Variants in GRTP1 observed in about 807,000 individuals in gnomAD.
The protein encoded by GRTP1 is growth hormone regulated TBC protein 1.
Under a neutral mutation model 38.1 loss-of-function variants are expected in GRTP1, and 56 were observed. The ratio of observed to expected loss-of-function variants is 1.47; its 90% confidence interval spans 1.19 to 1.84. GRTP1 has a LOEUF of 1.84. Ranked by LOEUF, GRTP1 falls within the 40% of genes most tolerant of loss-of-function variation. The probability of loss-of-function intolerance (pLI) is 0.00; values close to 1 mark genes in which losing one functional copy is unlikely to be tolerated. For missense variants in GRTP1, 506 were observed against 453.9 expected (o/e 1.11, Z -1.04); for synonymous variants, 217 against 189.5 (o/e 1.14, Z -1.19).
At chr13:113,357,430 T>G (rs2043414439) in intron 2 of GRTP1, among the ~76,000 whole-genome samples, 1 of 93,794 alleles carries the variant, frequency 1.1e-5, no homozygotes, top group African/African-American at 4.4e-5. Flanking sequence ...GGCGACAGAG[T>G]GACACTGCCT....
intron 2 of GRTP1, among the ~76,000 whole-genome samples, chr13:113,356,808 G>A (rs925475261): frequency 6.6e-6 from 1 of 152,132 alleles, no homozygotes; most frequent in Non-Finnish European, 1.5e-5. Flanking sequence ...ATCTGGACAC[G>A]AGCAGATGAT....
chr13:113,324,551 T>C lies in GRTP1; in HGVS notation c.948A>G (p.Leu316=). 6.2e-7 allele frequency: 1 copy of C among 1,611,412 alleles called. No homozygotes were observed. The highest frequency in any genetic ancestry group is 8.5e-7 in the Non-Finnish European group (1 of 1,178,982). Residue 316 remains leucine (L), a synonymous_variant, in exon 8 of 8, where the codon TTA becomes TTG. Coordinates refer to ENST00000375431, the MANE Select transcript of GRTP1 (RefSeq NM_024719.4). The stretch of plus-strand genomic sequence containing the variant: ...GGAGCTTGGCGACGGTGGCCATGGA[T>C]AAGCTTCCAGGTTCTGAAAATATTT... ...MQKIFSEPGS[L]SMATVAKLRE...
intron 5 of GRTP1, among the ~76,000 whole-genome samples, chr13:113,335,713 T>TG (rs1410354458): frequency 6.6e-6 from 1 of 152,110 alleles, no homozygotes; most frequent in Non-Finnish European, 1.5e-5. Context: ...TGGGAACATG[T>TG]GATATCTGTC....
chr13:113,345,685 T>C (rs935080853), intron 4 of GRTP1, among the ~76,000 whole-genome samples: 8 of 152,250 alleles, frequency 5.3e-5, no homozygotes, highest in African/African-American at 9.6e-5. Flanking sequence ...GAGGGGCAGC[T>C]GCAGAGAGCG....
Position 113,346,222 on chromosome 13 carries a change from C to A in GRTP1, c.466-1263G>T, listed in dbSNP as rs1219029895. Among the ~76,000 whole-genome samples, 36 of 126,544 alleles carry A rather than the reference C, an allele frequency of 2.8e-4. 1 individual carries two copies. Among genetic ancestry groups the A allele is most frequent in the Admixed American group, 5.0e-4 (6 of 12,060 alleles). 83.0% of individuals were successfully genotyped at this position (126,544 alleles called of 152,430 possible). On this transcript the variant is annotated intron_variant, in intron 4 of 7. Coordinates refer to ENST00000375431, the MANE Select transcript of GRTP1 (RefSeq NM_024719.4). ...AGCAGACCCGGGAGGACCTCTGTGGCTGAGAACAGACCCGGGAGGACCTCT... is the reference window on the plus strand; with the variant it reads ...AGCAGACCCGGGAGGACCTCTGTGGATGAGAACAGACCCGGGAGGACCTCT...
intron 7 of GRTP1, 148 bp from the exon 8 acceptor site, chr13:113,324,725 G>A: frequency 4.9e-6 from 7 of 1,421,502 alleles, no homozygotes; most frequent in Non-Finnish European, 5.5e-6. Context: ...CCCACAGATT[G>A]TCACCATCTC....
chr13:113,350,414 C>T (rs2043239596), intron 4 of GRTP1, among the ~76,000 whole-genome samples: 1 of 147,750 alleles, frequency 6.8e-6, no homozygotes. Context: ...CACATGCACC[C>T]CATAGCACAC....
At chr13:113,352,232 TTATA>T (rs58692797) in intron 3 of GRTP1, among the ~76,000 whole-genome samples, 1 of 79,722 alleles carries the variant, frequency 1.3e-5, no homozygotes. Context: ...TTTTCTATAT[TTATA>T]TATATATTTA....
intron 3 of GRTP1, among the ~76,000 whole-genome samples, chr13:113,352,242 A>ATTTATATATT (rs2043281949): frequency 2.2e-5 from 2 of 91,272 alleles, no homozygotes; most frequent in Non-Finnish European, 4.2e-5. Context: ...TTATATATAT[A>ATTTATATATT]TTTATATATA....
intron 3 of GRTP1, among the ~76,000 whole-genome samples, chr13:113,354,816 C>T (rs1337915855): frequency 6.6e-6 from 1 of 152,210 alleles, no homozygotes; most frequent in Non-Finnish European, 1.5e-5. Context: ...CGTGAGCCAC[C>T]GCGCCCGGCC....
At chr13:113,362,505 C>T (rs1220875837) in intron 2 of GRTP1, among the ~76,000 whole-genome samples, 1 of 151,928 alleles carries the variant, frequency 6.6e-6, no homozygotes, top group Non-Finnish European at 1.5e-5. Flanking sequence ...GGAGTGGTGG[C>T]CACACCAGTG....
In GRTP1 at chr13:113,325,810, C is replaced by T; in HGVS notation, c.772G>A (p.Gly258Ser). The part of the protein sequence containing the change: ...LRIWDCLFNE[G>S]SKIIFRVALT... Reference sequence around the variant, plus strand: ...GCCACCCGGAAGATAATCTTCGAGCCTTCGTTAAACAAACAGTCCCAGATC... The same window carrying T: ...GCCACCCGGAAGATAATCTTCGAGCTTTCGTTAAACAAACAGTCCCAGATC... The change falls in exon 7 of 8, where the codon GGC (glycine) becomes AGC (serine). Residue 258 changes from glycine to serine, a missense_variant. Coordinates refer to ENST00000375431, the MANE Select transcript of GRTP1 (RefSeq NM_024719.4). The T allele has an allele frequency of 6.2e-7, 1 of 1,614,142 alleles. No homozygotes were observed. The highest frequency in any genetic ancestry group is 8.5e-7 in the Non-Finnish European group (1 of 1,180,002).
In GRTP1 at chr13:113,328,986, T is replaced by C. The variant is rs149740320; in HGVS notation, c.563-2895A>G. Among the ~76,000 whole-genome samples, 118 of 149,776 alleles carry C rather than the reference T, an allele frequency of 7.9e-4. 1 individual carries two copies. The highest frequency in any genetic ancestry group is 2.7e-3 in the African/African-American group (107 of 39,174). ...ACTAAATTCTCCTGGTTCCCTTCCCTGCCCAGAAGCCTGAAGGTAGCAGGC... is the reference window on the plus strand; with the variant it reads ...ACTAAATTCTCCTGGTTCCCTTCCCCGCCCAGAAGCCTGAAGGTAGCAGGC... On this transcript the variant is annotated intron_variant, in intron 5 of 7. Coordinates refer to ENST00000375431, the MANE Select transcript of GRTP1 (RefSeq NM_024719.4).
chr13:113,347,590 GAGA>G (rs772194996), intron 4 of GRTP1, among the ~76,000 whole-genome samples: 3,292 of 69,890 alleles, frequency 0.047, 14 homozygotes, highest in East Asian at 0.068. Flanking sequence ...CTCTGTGGCT[GAGA>G]ACAGACCCGG....
At chr13:113,330,944 TGG>T (rs2042860203) in intron 5 of GRTP1, among the ~76,000 whole-genome samples, 1 of 126,168 alleles carries the variant, frequency 7.9e-6, no homozygotes, top group Non-Finnish European at 1.6e-5. Flanking sequence ...GGTGTGTGCA[TGG>T]AAAACCAGGT....
At chr13:113,325,268 T>C in intron 7 of GRTP1, 12 of 1,257,300 alleles carry the variant, frequency 9.5e-6, no homozygotes, top group Non-Finnish European at 1.1e-5. Context: ...CCTGGCGTCT[T>C]GGCTTCCTCA....
chr13:113,324,191 C>A lies in GRTP1; in HGVS notation c.*297G>T. The A allele has an allele frequency of 2.8e-6, 1 of 356,090 alleles. No homozygotes were observed. 22.1% of individuals were successfully genotyped at this position (356,090 alleles called of 1,614,324 possible). A position where few individuals can be genotyped will look rare whatever the true frequency, so the allele number is the denominator to read the frequency against. On this transcript the variant is annotated 3_prime_UTR_variant, in exon 8 of 8. Transcript: ENST00000375431. ...ATTTCCAGTCAGCTGAGAAACTGAT[C>A]ACAAACACAGGTGTTGGCATACTTT...
intron 5 of GRTP1, among the ~76,000 whole-genome samples, chr13:113,329,834 A>C (rs538379702): frequency 6.6e-6 from 1 of 152,364 alleles, no homozygotes; most frequent in East Asian, 1.9e-4. Context: ...CCTCTTCTTC[A>C]GTATTAACAC....
intron 4 of GRTP1, 83 bp downstream of exon 4, chr13:113,350,766 G>A (rs1466344676): frequency 7.8e-7 from 1 of 1,280,216 alleles, no homozygotes; most frequent in African/African-American, 1.5e-5. Context: ...ACAGAGACGT[G>A]AGGCCGTCAC....
Sources: allele counts gnomAD v4.1 joint callset (sites outside exome capture counted in the v4.1 genomes callset), GRCh38; gene constraint gnomAD v4.1.1; transcripts MANE v1.5; gene names NCBI Gene and HGNC (gene_info 2026-07-23, HGNC 2026-07-21).